Variants in GALNTL6 observed in about 807,000 individuals in gnomAD.
The protein encoded by GALNTL6 is polypeptide N-acetylgalactosaminyltransferase like 6.
A neutral mutation model predicts 73.7 loss-of-function variants in GALNTL6; 46 were observed. The ratio of observed to expected loss-of-function variants is 0.62; its 90% CI spans 0.49 to 0.80. The LOEUF (loss-of-function observed/expected upper bound fraction) is 0.80, where lower values mean the gene tolerates loss of function less well. GALNTL6 is among the 30% of genes least tolerant of loss of function. The pLI, the probability that GALNTL6 is intolerant of heterozygous loss-of-function variation, is 0.00. For missense variants in GALNTL6, 604 were observed against 755.0 expected (o/e 0.80, Z 2.34); for synonymous variants, 259 against 263.7 (o/e 0.98, Z 0.17).
intron 5 of GALNTL6, among the ~76,000 whole-genome samples, chr4:172,498,753 T>C (rs1023203900): frequency 1.3e-5 from 2 of 152,180 alleles, no homozygotes; most frequent in Non-Finnish European, 2.9e-5. Flanking sequence ...CTTAGTTCTA[T>C]GATCAACTCG....
chr4:171,967,763 T>A (rs1051729335), intron 2 of GALNTL6, among the ~76,000 whole-genome samples: 1 of 152,150 alleles, frequency 6.6e-6, no homozygotes, highest in Non-Finnish European at 1.5e-5. Context: ...TTTCCCCCAT[T>A]AAAAGTAACA....
At chr4:172,797,360 C>T (rs1316906619) in intron 5 of GALNTL6, among the ~76,000 whole-genome samples, 1 of 152,164 alleles carries the variant, frequency 6.6e-6, no homozygotes, top group Non-Finnish European at 1.5e-5. Context: ...AATTATCCTG[C>T]CTCAGCCTCC....
intron 2 of GALNTL6, among the ~76,000 whole-genome samples, chr4:171,913,298 C>A (rs1560838325): frequency 6.6e-6 from 1 of 152,090 alleles, no homozygotes; most frequent in Non-Finnish European, 1.5e-5. Context: ...TATGGCTGGA[C>A]CTGATCAAGA....
intron 10 of GALNTL6, among the ~76,000 whole-genome samples, chr4:172,980,574 C>A (rs1751021454): frequency 6.6e-6 from 1 of 152,118 alleles, no homozygotes; most frequent in Non-Finnish European, 1.5e-5. Context: ...GGCTGTCTTC[C>A]CACCTTGGAG....
intron 4 of GALNTL6, among the ~76,000 whole-genome samples, chr4:172,327,936 A>T (rs1055089107): frequency 8.6e-5 from 13 of 151,994 alleles, no homozygotes; most frequent in Admixed American, 8.5e-4. Flanking sequence ...TTTTGTTAGC[A>T]ATTTATTATG....
At chr4:172,233,230 C>G (rs992421384) in intron 3 of GALNTL6, among the ~76,000 whole-genome samples, 8 of 149,944 alleles carry the variant, frequency 5.3e-5, no homozygotes, top group African/African-American at 1.5e-4. Context: ...AAAAATTCAT[C>G]CGGGCATGGT....
intron 2 of GALNTL6, among the ~76,000 whole-genome samples, chr4:171,850,682 T>C (rs923032077): frequency 2.0e-5 from 3 of 152,164 alleles, no homozygotes; most frequent in Non-Finnish European, 4.4e-5. Flanking sequence ...TGATCTCTGT[T>C]TTAATGTAAA....
intron 4 of GALNTL6, among the ~76,000 whole-genome samples, chr4:172,325,973 A>G (rs935218341): frequency 2.6e-5 from 4 of 151,870 alleles, no homozygotes; most frequent in Admixed American, 1.3e-4. Context: ...GTTATGAAAC[A>G]AATGTTAATG....
intron 2 of GALNTL6, among the ~76,000 whole-genome samples, chr4:172,074,044 G>GT (rs1731631949): frequency 6.6e-6 from 1 of 152,156 alleles, no homozygotes; most frequent in Non-Finnish European, 1.5e-5. Flanking sequence ...AACTAGCAGA[G>GT]TAACAACTGT....
intron 5 of GALNTL6, among the ~76,000 whole-genome samples, chr4:172,648,522 A>G (rs1164508626): frequency 6.6e-6 from 1 of 152,164 alleles, no homozygotes; most frequent in Non-Finnish European, 1.5e-5. Context: ...TAAGAAAACT[A>G]AGGCTTATCT....
chr4:172,001,307 T>G (rs979302458), intron 2 of GALNTL6, among the ~76,000 whole-genome samples: 1 of 152,198 alleles, frequency 6.6e-6, no homozygotes, highest in African/African-American at 2.4e-5. Flanking sequence ...ATTTAAGTAC[T>G]ACTAGCAGTA....
intron 12 of GALNTL6, among the ~76,000 whole-genome samples, chr4:173,033,062 G>A (rs1260020636): frequency 6.6e-6 from 1 of 152,038 alleles, no homozygotes; most frequent in African/African-American, 2.4e-5. Flanking sequence ...GTGCAGTGGC[G>A]TGATCTCAGC....
intron 5 of GALNTL6, among the ~76,000 whole-genome samples, chr4:172,596,708 G>A (rs1197873765): frequency 1.3e-5 from 2 of 152,040 alleles, no homozygotes; most frequent in South Asian, 4.1e-4. Flanking sequence ...TTTTAAAATT[G>A]CAATAGTTTA....
At chr4:172,385,732 T>A (rs906656731) in intron 5 of GALNTL6, among the ~76,000 whole-genome samples, 2 of 152,034 alleles carry the variant, frequency 1.3e-5, no homozygotes, top group Non-Finnish European at 1.5e-5. Flanking sequence ...TTCATTGGAG[T>A]TTTACTTAAT....
chr4:172,351,329 C>T (rs1741937383), intron 5 of GALNTL6, among the ~76,000 whole-genome samples: 6 of 151,976 alleles, frequency 3.9e-5, no homozygotes, highest in Admixed American at 3.3e-4. Flanking sequence ...GAAATTAGGA[C>T]TGCCTTAACA....
At chr4:172,965,740 A>G (rs934551104) in intron 10 of GALNTL6, among the ~76,000 whole-genome samples, 1 of 152,114 alleles carries the variant, frequency 6.6e-6, no homozygotes, top group South Asian at 2.1e-4. Context: ...GAGTTAACCA[A>G]TATTTTTTTT....
chr4:172,482,218 C>A lies in GALNTL6; in HGVS notation c.553+133529C>A, dbSNP rs546277270. On this transcript the variant is annotated intron_variant, in intron 5 of 12. Coordinates refer to ENST00000506823, the MANE Select transcript of GALNTL6 (RefSeq NM_001034845.3). The stretch of plus-strand genomic sequence containing the variant: ...CCCGGAACTCGCGCTGGCCCAGGAG[C>A]GCTTCATGCAGCCCTGATTCCCACC... Among the ~76,000 whole-genome samples, 5 of 152,336 alleles carry A rather than the reference C, an allele frequency of 3.3e-5. No individual in the cohort carries two copies. In the East Asian group the frequency reaches 7.7e-4, roughly 24 times the overall value.
chr4:172,320,924 G>T (rs968749084), intron 4 of GALNTL6, among the ~76,000 whole-genome samples: 2 of 152,106 alleles, frequency 1.3e-5, no homozygotes, highest in African/African-American at 4.8e-5. Flanking sequence ...AAATACGGTG[G>T]TTTTCTTTTA....
chr4:172,121,296 T>TGTGTGC (rs34817614), intron 2 of GALNTL6, among the ~76,000 whole-genome samples: 1 of 147,080 alleles, frequency 6.8e-6, no homozygotes, highest in Non-Finnish European at 1.5e-5. Context: ...TGTGTGTGTG[T>TGTGTGC]AAGTTTGTAA....
Sources: gnomAD v4.1 joint callset for allele counts (sites outside exome capture counted in the v4.1 genomes callset) on GRCh38, gnomAD v4.1.1 for gene constraint, MANE v1.5 for transcripts, NCBI Gene and HGNC (gene_info 2026-07-23, HGNC 2026-07-21) for gene names.